Variants in ZSWIM6 observed in about 807,000 individuals in gnomAD.
The protein encoded by ZSWIM6 is zinc finger SWIM domain-containing protein 6.
A neutral mutation model predicts 113.2 loss-of-function variants in ZSWIM6; 9 were observed. The ratio of observed to expected loss-of-function variants is 0.08; its 90% CI spans 0.05 to 0.14. ZSWIM6 has a LOEUF of 0.14. Ranked by LOEUF, ZSWIM6 falls within the 10% of genes least tolerant of loss-of-function variation. The pLI, the probability that ZSWIM6 is intolerant of heterozygous loss-of-function variation, is 1.00. For missense variants in ZSWIM6, 1,162 were observed against 1,552.2 expected (o/e 0.75, Z 4.22); for synonymous variants, 611 against 606.5 (o/e 1.01, Z -0.11).
At chr5:61,534,724 A>G (rs1439899401) in intron 9 of ZSWIM6, among the ~76,000 whole-genome samples, 1 of 152,176 alleles carries the variant, frequency 6.6e-6, no homozygotes, top group African/African-American at 2.4e-5. Context: ...TTCAGGGAGC[A>G]CACAGGGGAA....
intron 1 of ZSWIM6, among the ~76,000 whole-genome samples, chr5:61,415,255 A>G (rs1274115870): frequency 6.6e-6 from 1 of 152,256 alleles, no homozygotes; most frequent in Non-Finnish European, 1.5e-5. Context: ...TCATATATCA[A>G]GAAGGGAGTG....
intron 1 of ZSWIM6, among the ~76,000 whole-genome samples, chr5:61,433,799 A>G (rs1746636689): frequency 1.3e-5 from 2 of 151,978 alleles, no homozygotes; most frequent in African/African-American, 4.8e-5. Context: ...TAAAAAGTAC[A>G]TTTAATTATG....
intron 4 of ZSWIM6, among the ~76,000 whole-genome samples, chr5:61,513,868 G>C (rs559486195): frequency 6.6e-6 from 1 of 152,112 alleles, no homozygotes; most frequent in East Asian, 1.9e-4. Context: ...TTGCTTTATA[G>C]GAAGTCTTAA....
intron 2 of ZSWIM6, among the ~76,000 whole-genome samples, chr5:61,489,330 G>A (rs1224349835): frequency 6.6e-6 from 1 of 151,812 alleles, no homozygotes; most frequent in African/African-American, 2.4e-5. Flanking sequence ...TCCATCACCC[G>A]GCCCTCTTCC....
chr5:61,383,893 T>A (rs1357758002), intron 1 of ZSWIM6, among the ~76,000 whole-genome samples: 1 of 151,620 alleles, frequency 6.6e-6, no homozygotes, highest in Non-Finnish European at 1.5e-5. Context: ...TTGGTTTAAG[T>A]AATAGGACAT....
chr5:61,396,314 A>G (rs554174084), intron 1 of ZSWIM6, among the ~76,000 whole-genome samples: 1 of 152,120 alleles, frequency 6.6e-6, no homozygotes, highest in Non-Finnish European at 1.5e-5. Context: ...CAGGCGGATC[A>G]CAAGGTCAAG....
chr5:61,380,205 A>G (rs1406398094), intron 1 of ZSWIM6, among the ~76,000 whole-genome samples: 1 of 152,084 alleles, frequency 6.6e-6, no homozygotes, highest in Non-Finnish European at 1.5e-5. Flanking sequence ...CATCCCGAGT[A>G]GCTGGGATTA....
intron 2 of ZSWIM6, among the ~76,000 whole-genome samples, chr5:61,488,781 A>AT (rs538904241): frequency 3.6e-4 from 52 of 144,620 alleles, no homozygotes; most frequent in African/African-American, 1.1e-3. Flanking sequence ...ATTCTCCTTG[A>AT]TTTTTTTTTT....
At chr5:61,356,747 A>G (rs1744920989) in intron 1 of ZSWIM6, among the ~76,000 whole-genome samples, 1 of 139,532 alleles carries the variant, frequency 7.2e-6, no homozygotes, top group Non-Finnish European at 1.5e-5. Context: ...TATTATATAT[A>G]TATATTATAT....
chr5:61,453,672 A>G (rs1224755598), intron 1 of ZSWIM6, among the ~76,000 whole-genome samples: 2 of 151,616 alleles, frequency 1.3e-5, no homozygotes, highest in Non-Finnish European at 2.9e-5. Context: ...CACCACACCC[A>G]GCCACTTTTA....
intron 1 of ZSWIM6, among the ~76,000 whole-genome samples, chr5:61,358,509 T>C (rs1335724424): frequency 2.0e-5 from 3 of 152,242 alleles, no homozygotes; most frequent in Non-Finnish European, 4.4e-5. Flanking sequence ...ATGTGTTAAA[T>C]GGTCCAAAAT....
chr5:61,333,478 G>A (rs986543870), intron 1 of ZSWIM6, among the ~76,000 whole-genome samples: 4 of 151,982 alleles, frequency 2.6e-5, no homozygotes, highest in African/African-American at 9.7e-5. Context: ...TGAGGGGAGG[G>A]GAATACACTT....
At position 61,366,193 on chromosome 5, in the gene ZSWIM6, G is replaced by A. The variant is rs148427022; in HGVS notation, c.676+33245G>A. Among the ~76,000 whole-genome samples, 159 of 152,330 alleles carry A rather than the reference G, an allele frequency of 1.0e-3. 1 individual carries two copies. Among genetic ancestry groups the A allele is most frequent in the African/African-American group, 3.6e-3 (149 of 41,572 alleles). ...TTACAAGCGTGAACCACCACACCCA[G>A]CCTAAGTGTCATTTTTAATTTCTTT... On this transcript the variant is annotated intron_variant, in intron 1 of 13. Transcript: ENST00000252744.
intron 1 of ZSWIM6, chr5:61,375,953 T>G: frequency 1.6e-6 from 1 of 630,976 alleles, no homozygotes; most frequent in Non-Finnish European, 2.7e-6. Context: ...TGCATGAATT[T>G]TCTTGTTTTT....
At chr5:61,455,580 A>G (rs1226771284) in intron 1 of ZSWIM6, among the ~76,000 whole-genome samples, 1 of 152,232 alleles carries the variant, frequency 6.6e-6, no homozygotes, top group African/African-American at 2.4e-5. Flanking sequence ...GATGTCAGCA[A>G]TGAGAAGGGG....
intron 1 of ZSWIM6, among the ~76,000 whole-genome samples, chr5:61,456,962 A>G (rs1036849602): frequency 6.7e-6 from 1 of 148,794 alleles, no homozygotes; most frequent in African/African-American, 2.5e-5. Context: ...TGTGCAGGTT[A>G]GTTACATATG....
intron 1 of ZSWIM6, among the ~76,000 whole-genome samples, chr5:61,380,194 G>A (rs1348429314): frequency 6.6e-6 from 1 of 152,124 alleles, no homozygotes; most frequent in Non-Finnish European, 1.5e-5. Flanking sequence ...TCTTGCCTCA[G>A]CATCCCGAGT....
chr5:61,342,174 C>G (rs369379646), intron 1 of ZSWIM6, among the ~76,000 whole-genome samples: 1 of 152,164 alleles, frequency 6.6e-6, no homozygotes, highest in African/African-American at 2.4e-5. Context: ...TCACCACACC[C>G]GGCCTTTAAA....
At chr5:61,491,812 A>AT (rs1370587809) in intron 3 of ZSWIM6, among the ~76,000 whole-genome samples, 8 of 127,740 alleles carry the variant, frequency 6.3e-5, no homozygotes, top group African/African-American at 2.4e-4. Context: ...TATAATTAAA[A>AT]GTTTTTTTTT....
Sources: allele counts gnomAD v4.1 joint callset (sites outside exome capture counted in the v4.1 genomes callset), GRCh38; gene constraint gnomAD v4.1.1; transcripts MANE v1.5; gene names NCBI Gene and HGNC (gene_info 2026-07-23, HGNC 2026-07-21).